Variants in DOCK11 observed in about 807,000 individuals in gnomAD.
The protein encoded by DOCK11 is dedicator of cytokinesis 11, also known as dedicator of cytokinesis protein 11.
A neutral mutation model predicts 169.1 loss-of-function variants in DOCK11; 70 were observed. The observed-to-expected ratio is 0.41, with a 90% CI of 0.34 to 0.51. The LOEUF (loss-of-function observed/expected upper bound fraction) is 0.51. Among genes scored for constraint, DOCK11 ranks in the 20% least tolerant of loss-of-function variants. The pLI is 0.10. For missense variants in DOCK11, 1,166 were observed against 1,538.8 expected, an observed-to-expected ratio of 0.76 and a Z score of 4.05; for synonymous variants, 529 against 541.3, an observed-to-expected ratio of 0.98 and a Z score of 0.32.
At chrX:118,516,093 C>CTTTTTTT (rs773184047) in intron 1 of DOCK11, among the ~76,000 whole-genome samples, 112 of 54,986 alleles carry the variant, frequency 2.0e-3, no homozygotes, top group African/African-American at 4.1e-3. Context: ...TTTTCTTTTT[C>CTTTTTTT]TTTTTTTTTT....
intron 40 of DOCK11, among the ~76,000 whole-genome samples, chrX:118,648,644 T>C (rs1182067592): frequency 1.1e-4 from 11 of 100,372 alleles, no homozygotes; most frequent in Non-Finnish European, 2.0e-5. Flanking sequence ...ATATAATAGA[T>C]ATAATATAAT....
At chrX:118,647,515 TATA>T (rs2015716784) in intron 40 of DOCK11, among the ~76,000 whole-genome samples, 1 of 64,535 alleles carries the variant, frequency 1.5e-5, no homozygotes, top group South Asian at 6.3e-4. Context: ...TATATAATAA[TATA>T]ATATATAATA....
chrX:118,576,950 C>T (rs2013467761), intron 12 of DOCK11, among the ~76,000 whole-genome samples: 1 of 112,289 alleles, frequency 8.9e-6, no homozygotes, highest in African/African-American at 3.2e-5. Flanking sequence ...TCTAATCAGG[C>T]CTCATCATAT....
rs2011444804 is a variant in DOCK11, at chrX:118,528,930, ACTT to A, written c.103-13789_103-13787del. 6.4e-5 allele frequency among the ~76,000 whole-genome samples: 7 copies of A among 109,491 alleles called. No homozygotes were observed. The South Asian group carries it at 2.7e-3, about 43-fold the overall frequency. ...AAATGGAGTTTTGCTTGAGTCATCG[ACTT>A]CTTCTCAGGTTTAATTCAAGTGCGC... On this transcript the variant is annotated intron_variant, in intron 1 of 52. Coordinates refer to ENST00000276202, the MANE Select transcript of DOCK11 (RefSeq NM_144658.4).
At chrX:118,655,076 C>G in intron 44 of DOCK11, 115 bp downstream of exon 44, 1 of 695,108 alleles carries the variant, frequency 1.4e-6, no homozygotes, top group Non-Finnish European at 2.2e-6. Context: ...TATGTTCACC[C>G]TTGGCCTTAT....
intron 34 of DOCK11, among the ~76,000 whole-genome samples, chrX:118,630,058 C>T (rs144304708): frequency 0.021 from 2,376 of 110,751 alleles, 34 homozygotes; most frequent in Middle Eastern, 0.055. Flanking sequence ...GTTTCTTATG[C>T]TTTCACTCCA....
At chrX:118,675,713 C>A (rs1349066763) in intron 46 of DOCK11, among the ~76,000 whole-genome samples, 1 of 107,504 alleles carries the variant, frequency 9.3e-6, no homozygotes, top group African/African-American at 3.4e-5. Flanking sequence ...GAAGAAATTT[C>A]TTTTAAAAAG....
chrX:118,681,839 C>G, intron 51 of DOCK11, 45 bp downstream of exon 51: 1 of 994,466 alleles, frequency 1.0e-6, no homozygotes, highest in Non-Finnish European at 1.4e-6. Context: ...TTCGTTTTCT[C>G]TATTTTCTTC....
chrX:118,604,441 A>G (rs1171003986), intron 23 of DOCK11, among the ~76,000 whole-genome samples: 1 of 108,512 alleles, frequency 9.2e-6, no homozygotes, highest in African/African-American at 3.4e-5. Context: ...AAGTACAGAG[A>G]CTTGATTTAT....
rs113165827 is a variant in DOCK11 at position 118,609,558 on chromosome X, G to C, written c.2949+209G>C. On this transcript the variant is annotated intron_variant, in intron 27 of 52. Transcript: ENST00000276202. ...ATCTATTGCATAAATCTGAGGTCTC[G>C]CAGTTGATATGTTCTCACCGTCTAA... Among the ~76,000 whole-genome samples, 129 of 111,985 alleles carry C rather than the reference G, an allele frequency of 1.2e-3. 1 individual carries two copies. The highest frequency in any genetic ancestry group is 3.9e-3 in the African/African-American group (120 of 30,920).
chrX:118,684,510 G>T (rs1319693171), intron 52 of DOCK11, among the ~76,000 whole-genome samples: 6 of 108,069 alleles, frequency 5.6e-5, no homozygotes, highest in Non-Finnish European at 9.6e-5. Context: ...TCCTGACCTC[G>T]TAATCCACCC....
At chrX:118,632,981 T>TGGGG (rs2015290068) in intron 35 of DOCK11, 2 of 10,412 alleles carry the variant, frequency 1.9e-4, no homozygotes, top group Admixed American at 1.4e-3. Flanking sequence ...GGGGGGGGGG[T>TGGGG]GAGGGGGGTG....
At chrX:118,575,964 A>T (rs1245329069) in intron 12 of DOCK11, among the ~76,000 whole-genome samples, 1 of 111,810 alleles carries the variant, frequency 8.9e-6, no homozygotes, top group African/African-American at 3.3e-5. Flanking sequence ...ACATTATTCC[A>T]TCAGTGTCTC....
At chrX:118,584,497 A>G (rs1043649178) in intron 14 of DOCK11, among the ~76,000 whole-genome samples, 1 of 112,300 alleles carries the variant, frequency 8.9e-6, no homozygotes, top group Non-Finnish European at 1.9e-5. Flanking sequence ...ACATTTATTT[A>G]TATAAATTTT....
rs1024037284 is a variant in DOCK11, at chrX:118,674,587, G to GT, written c.5200-1346dup. The stretch of plus-strand genomic sequence containing the variant: ...TCATCCATTGATGGACATTTGGGTT[G>GT]TTTCACCTTTTGTCTATTATGAATA... On this transcript the variant is annotated intron_variant, in intron 46 of 52. Transcript: ENST00000276202. Among the ~76,000 whole-genome samples, 5 of 112,188 alleles carry GT rather than the reference G, an allele frequency of 4.5e-5. No individual in the cohort carries two copies. The Admixed American group carries it at 4.7e-4, about 11-fold the overall frequency.
chrX:118,502,474 A>G (rs1234418303), intron 1 of DOCK11, among the ~76,000 whole-genome samples: 1 of 111,845 alleles, frequency 8.9e-6, no homozygotes, highest in East Asian at 2.8e-4. Flanking sequence ...AAGATTCTTC[A>G]TATCATTATC....
chrX:118,546,210 C>CCAAAAAAAAAAAAAAAAAAAAAAAAAAAA (rs59721327), intron 6 of DOCK11, 94 bp downstream of exon 6: 1 of 45,863 alleles, frequency 2.2e-5, no homozygotes, highest in Non-Finnish European at 3.8e-5. Context: ...AGAGCCCTAG[C>CCAAAAAAAAAAAAAAAAAAAAAAAAAAAA]AAAAAAAAAA....
chrX:118,509,289 G>A (rs2057634803), intron 1 of DOCK11, among the ~76,000 whole-genome samples: 1 of 108,618 alleles, frequency 9.2e-6, no homozygotes, highest in Non-Finnish European at 1.9e-5. Context: ...TTTTTTTTCT[G>A]GAAACAGAGT....
At chrX:118,654,452 A>G in intron 42 of DOCK11, 150 bp from the exon 43 acceptor site, 2 of 461,830 alleles carry the variant, frequency 4.3e-6, no homozygotes, top group Non-Finnish European at 7.1e-6. Flanking sequence ...TTTAAAAAAT[A>G]ATTTATTTAA....
Sources: allele counts gnomAD v4.1 joint callset (sites outside exome capture counted in the v4.1 genomes callset), GRCh38; gene constraint gnomAD v4.1.1; transcripts MANE v1.5; gene names NCBI Gene and HGNC (gene_info 2026-07-23, HGNC 2026-07-21).